The following SGCZ variants were observed in gnomAD, a reference collection of about 807,000 sequenced individuals.
SGCZ encodes zeta-sarcoglycan.
SGCZ carries 40 observed loss-of-function variants against 41.3 expected under a neutral mutation model. That is an observed-to-expected ratio of 0.97 (90% CI 0.75 to 1.26). SGCZ has a LOEUF of 1.26. Ranked by LOEUF, SGCZ falls within the 50% of genes most tolerant of loss-of-function variation. The probability of loss-of-function intolerance (pLI) is 0.00; values close to 1 mark genes in which losing one functional copy is unlikely to be tolerated. For synonymous variants in SGCZ, 206 were observed against 137.5 expected, an observed-to-expected ratio of 1.50 and a Z score of -3.49; for missense variants, 552 against 369.8, an observed-to-expected ratio of 1.49 and a Z score of -4.04.
intron 1 of SGCZ, among the ~76,000 whole-genome samples, chr8:14,991,764 C>A (rs1019325357): frequency 4.6e-5 from 7 of 151,526 alleles, no homozygotes; most frequent in Non-Finnish European, 1.0e-4. Flanking sequence ...CTCATCCAAT[C>A]TACTCCCAAA....
intron 1 of SGCZ, among the ~76,000 whole-genome samples, chr8:14,827,236 C>CTTTTTTTTT (rs36071307): frequency 2.5e-5 from 3 of 122,320 alleles, no homozygotes; most frequent in Admixed American, 8.4e-5. Context: ...CTTTTCTTTT[C>CTTTTTTTTT]TTTTTTTTTT....
chr8:15,164,212 G>C (rs898730326), intron 1 of SGCZ, among the ~76,000 whole-genome samples: 3 of 152,202 alleles, frequency 2.0e-5, no homozygotes, highest in Non-Finnish European at 2.9e-5. Context: ...GCCCAATGTG[G>C]GGGCTTGAGA....
intron 1 of SGCZ, among the ~76,000 whole-genome samples, chr8:14,812,301 C>G (rs908989758): frequency 3.3e-5 from 5 of 151,976 alleles, no homozygotes; most frequent in African/African-American, 1.2e-4. Flanking sequence ...AGAATATTGT[C>G]TCTGCCCTGC....
At chr8:14,403,899 A>C (rs982953593) in intron 2 of SGCZ, among the ~76,000 whole-genome samples, 9 of 152,200 alleles carry the variant, frequency 5.9e-5, no homozygotes, top group Non-Finnish European at 1.0e-4. Flanking sequence ...AGTCATAGAC[A>C]AGAAAGTCTA....
intron 1 of SGCZ, among the ~76,000 whole-genome samples, chr8:15,105,494 G>GGA (rs142403012): frequency 2.9e-4 from 44 of 150,906 alleles, no homozygotes; most frequent in Non-Finnish European, 5.2e-4. Flanking sequence ...TGGTGGAGCA[G>GGA]GAGAGAGAGA....
chr8:14,292,877 A>G (rs1800888173), intron 3 of SGCZ, among the ~76,000 whole-genome samples: 1 of 151,986 alleles, frequency 6.6e-6, no homozygotes, highest in African/African-American at 2.4e-5. Flanking sequence ...TAATTTTAGT[A>G]TATTATTTTT....
intron 2 of SGCZ, among the ~76,000 whole-genome samples, chr8:14,364,356 T>C (rs190160721): frequency 4.4e-4 from 67 of 152,274 alleles, no homozygotes; most frequent in Non-Finnish European, 6.8e-4. Context: ...TTCTGCTATT[T>C]TTTTCTGGTC....
intron 1 of SGCZ, among the ~76,000 whole-genome samples, chr8:15,121,328 T>G (rs1021202603): frequency 2.6e-5 from 4 of 152,186 alleles, no homozygotes; most frequent in African/African-American, 9.6e-5. Context: ...AAATGACATT[T>G]CTTTTAGGCC....
chr8:14,766,695 G>T (rs1008318183), intron 1 of SGCZ, among the ~76,000 whole-genome samples: 1 of 150,334 alleles, frequency 6.7e-6, no homozygotes, highest in Non-Finnish European at 1.5e-5. Flanking sequence ...CCAAGTAGCT[G>T]GGACCACAGG....
At chr8:15,230,706 A>G (rs1212795745) in intron 1 of SGCZ, among the ~76,000 whole-genome samples, 1 of 152,180 alleles carries the variant, frequency 6.6e-6, no homozygotes, top group Non-Finnish European at 1.5e-5. Flanking sequence ...AGTTCTTGCC[A>G]TGGTCCCAGA....
intron 5 of SGCZ, among the ~76,000 whole-genome samples, chr8:14,130,363 G>A (rs1025808474): frequency 4.0e-5 from 6 of 150,366 alleles, no homozygotes; most frequent in African/African-American, 1.5e-4. Flanking sequence ...ATATATTATT[G>A]TCAAAAATAT....
intron 5 of SGCZ, among the ~76,000 whole-genome samples, chr8:14,132,059 A>T (rs1451796444): frequency 6.6e-6 from 1 of 152,036 alleles, no homozygotes; most frequent in African/African-American, 2.4e-5. Context: ...CTTTCTTCTT[A>T]TTTGACCTCC....
At chr8:14,343,471 A>G (rs1442535251) in intron 2 of SGCZ, among the ~76,000 whole-genome samples, 3 of 152,244 alleles carry the variant, frequency 2.0e-5, no homozygotes, top group East Asian at 3.9e-4. Flanking sequence ...GAAGAGAGTT[A>G]TAACTTGGAC....
chr8:14,828,744 C>T (rs1563298570), intron 1 of SGCZ, among the ~76,000 whole-genome samples: 1 of 152,184 alleles, frequency 6.6e-6, no homozygotes, highest in East Asian at 1.9e-4. Flanking sequence ...CCAACAACAT[C>T]TGCTTAGTAT....
intron 3 of SGCZ, among the ~76,000 whole-genome samples, chr8:14,272,298 C>T (rs192396458): frequency 3.4e-4 from 52 of 152,306 alleles, no homozygotes; most frequent in Non-Finnish European, 6.3e-4. Flanking sequence ...GCCACTGCAC[C>T]CGACCCTTAA....
intron 1 of SGCZ, among the ~76,000 whole-genome samples, chr8:14,753,516 C>G (rs1269887093): frequency 6.6e-6 from 1 of 152,192 alleles, no homozygotes; most frequent in Non-Finnish European, 1.5e-5. Context: ...GGCATTTTCT[C>G]ACTTCTGAAG....
At chr8:14,751,636 C>G (rs902298263) in intron 1 of SGCZ, among the ~76,000 whole-genome samples, 3 of 152,056 alleles carry the variant, frequency 2.0e-5, no homozygotes, top group African/African-American at 7.2e-5. Flanking sequence ...GGTTTTAATA[C>G]GGGCCTAGCA....
At chr8:14,129,501 C>T (rs894949237) in intron 5 of SGCZ, among the ~76,000 whole-genome samples, 2 of 150,896 alleles carry the variant, frequency 1.3e-5, no homozygotes, top group Admixed American at 1.3e-4. Context: ...AACCATAACA[C>T]ATTTAAAAAG....
chr8:15,020,299 T>C (rs537229739), intron 1 of SGCZ, among the ~76,000 whole-genome samples: 1 of 152,266 alleles, frequency 6.6e-6, no homozygotes, highest in East Asian at 1.9e-4. Flanking sequence ...CCACACACTT[T>C]ATCTCTGACT....
Sources: allele counts gnomAD v4.1 joint callset (sites outside exome capture counted in the v4.1 genomes callset), GRCh38; gene constraint gnomAD v4.1.1; transcripts MANE v1.5; gene names NCBI Gene and HGNC (gene_info 2026-07-23, HGNC 2026-07-21).